The following LHFPL6 variants were observed in gnomAD, a reference collection of about 807,000 sequenced individuals.
The protein encoded by LHFPL6 is LHFPL tetraspan subfamily member 6.
A neutral mutation model predicts 20.6 loss-of-function variants in LHFPL6; 9 were observed. The ratio of observed to expected loss-of-function variants is 0.44; its 90% confidence interval spans 0.26 to 0.76. The LOEUF (loss-of-function observed/expected upper bound fraction) is 0.76. LHFPL6 is among the 30% of genes least tolerant of loss of function. LHFPL6 has a pLI of 0.20. For missense variants in LHFPL6, 218 were observed against 253.5 expected (o/e 0.86, Z 0.95); for synonymous variants, 105 against 98.7 (o/e 1.06, Z -0.38).
intron 2 of LHFPL6, among the ~76,000 whole-genome samples, chr13:39,447,192 T>A (rs568446498): frequency 6.6e-6 from 1 of 152,212 alleles, no homozygotes; most frequent in Non-Finnish European, 1.5e-5. Context: ...AACCCAATCA[T>A]CACGCTTATG....
At chr13:39,531,353 T>C (rs1208001590) in intron 2 of LHFPL6, among the ~76,000 whole-genome samples, 1 of 152,204 alleles carries the variant, frequency 6.6e-6, no homozygotes, top group Non-Finnish European at 1.5e-5. Context: ...TGTCTCCCTG[T>C]AGATAGCCAT....
chr13:39,595,063 C>T (rs1872727650), intron 2 of LHFPL6, among the ~76,000 whole-genome samples: 1 of 152,126 alleles, frequency 6.6e-6, no homozygotes, highest in South Asian at 2.1e-4. Context: ...CACATGTATA[C>T]ATAGGTAACA....
chr13:39,591,392 G>C (rs1442629807), intron 2 of LHFPL6, among the ~76,000 whole-genome samples: 1 of 152,068 alleles, frequency 6.6e-6, no homozygotes, highest in Non-Finnish European at 1.5e-5. Context: ...TCTTTTTTAT[G>C]AGTGTATATA....
chr13:39,504,367 C>T (rs1016723791), intron 2 of LHFPL6, among the ~76,000 whole-genome samples: 2 of 152,070 alleles, frequency 1.3e-5, no homozygotes, highest in East Asian at 1.9e-4. Flanking sequence ...AATCTTAATT[C>T]GACTGCATAT....
At chr13:39,534,706 G>A (rs1234538423) in intron 2 of LHFPL6, among the ~76,000 whole-genome samples, 1 of 152,132 alleles carries the variant, frequency 6.6e-6, no homozygotes, top group African/African-American at 2.4e-5. Context: ...GGAGGTGGGG[G>A]AAAATGTAGT....
intron 2 of LHFPL6, among the ~76,000 whole-genome samples, chr13:39,400,770 G>A (rs1383365308): frequency 9.1e-5 from 9 of 98,762 alleles, no homozygotes; most frequent in Admixed American, 3.4e-4. Flanking sequence ...GCGACAGAGC[G>A]AGACTCCGTC....
chr13:39,523,094 C>T (rs1870163421), intron 2 of LHFPL6, among the ~76,000 whole-genome samples: 1 of 152,218 alleles, frequency 6.6e-6, no homozygotes, highest in African/African-American at 2.4e-5. Flanking sequence ...AGACAATTTA[C>T]ATAACCACTT....
chr13:39,432,003 A>G (rs538454561), intron 2 of LHFPL6, among the ~76,000 whole-genome samples: 46 of 152,060 alleles, frequency 3.0e-4, no homozygotes, highest in Non-Finnish European at 5.4e-4. Context: ...GATTAAATTA[A>G]GGGGGCTCCA....
At chr13:39,475,296 C>T (rs952839902) in intron 2 of LHFPL6, among the ~76,000 whole-genome samples, 1 of 151,214 alleles carries the variant, frequency 6.6e-6, no homozygotes, top group African/African-American at 2.4e-5. Context: ...TGTGTAGATG[C>T]TTGTACATGA....
intron 2 of LHFPL6, among the ~76,000 whole-genome samples, chr13:39,409,047 T>C (rs1260681597): frequency 1.3e-5 from 2 of 152,210 alleles, no homozygotes; most frequent in Non-Finnish European, 2.9e-5. Flanking sequence ...ATTTGTAGCG[T>C]TAAGCAGGTA....
rs189185071 is a variant in LHFPL6 at position 39,370,104 on chromosome 13, G to T, written c.484+8324C>A. Among the ~76,000 whole-genome samples the T allele has an allele frequency of 8.5e-4, 130 of 152,314 alleles. 1 individual carries two copies. Among genetic ancestry groups the T allele is most frequent in the African/African-American group, 3.0e-3 (125 of 41,574 alleles). On this transcript the variant is annotated intron_variant, in intron 3 of 3. Coordinates refer to ENST00000379589, the MANE Select transcript of LHFPL6 (RefSeq NM_005780.3). ...GAAAACTCTTCATCTGATGGAAAGA[G>T]GCCCCTAAGAAAGGCTGAGTGACCA...
intron 2 of LHFPL6, among the ~76,000 whole-genome samples, chr13:39,400,652 G>A (rs994344749): frequency 8.0e-5 from 12 of 149,366 alleles, no homozygotes; most frequent in Admixed American, 1.3e-4. Flanking sequence ...GCGTAGTGGC[G>A]GGCGCCTGTA....
intron 2 of LHFPL6, among the ~76,000 whole-genome samples, chr13:39,403,664 T>C (rs914394991): frequency 1.3e-5 from 2 of 152,194 alleles, no homozygotes; most frequent in South Asian, 4.1e-4. Flanking sequence ...CCAATAAACA[T>C]CAACATTAGA....
chr13:39,500,408 C>G (rs569119603), intron 2 of LHFPL6, among the ~76,000 whole-genome samples: 3 of 152,166 alleles, frequency 2.0e-5, no homozygotes, highest in African/African-American at 7.2e-5. Context: ...TGCATGCCAC[C>G]ATGCCTGGAT....
chr13:39,586,378 G>A (rs976091404), intron 2 of LHFPL6, among the ~76,000 whole-genome samples: 1 of 152,176 alleles, frequency 6.6e-6, no homozygotes, highest in Admixed American at 6.5e-5. Flanking sequence ...TCTAAAATCA[G>A]AGATATGCAC....
At chr13:39,504,198 T>C (rs556811002) in intron 2 of LHFPL6, among the ~76,000 whole-genome samples, 1 of 152,300 alleles carries the variant, frequency 6.6e-6, no homozygotes, top group East Asian at 1.9e-4. Flanking sequence ...TATAGTTTAA[T>C]CACAATGTTT....
rs573569118 is a variant in LHFPL6, at chr13:39,353,982, A to G, written c.485-9928T>C. On this transcript the variant is annotated intron_variant, in intron 3 of 3. Transcript: ENST00000379589. ...TGGTAGAATCTCACAAATCCCATGCATTGAGTCTATTTTCAAAATATCCCA... is the reference window on the plus strand; with the variant it reads ...TGGTAGAATCTCACAAATCCCATGCGTTGAGTCTATTTTCAAAATATCCCA... Among the ~76,000 whole-genome samples, 62 of 152,302 alleles carry G rather than the reference A, an allele frequency of 4.1e-4. 1 individual carries two copies. Among genetic ancestry groups the G allele is most frequent in the South Asian group, 3.9e-3 (19 of 4,826 alleles).
At chr13:39,573,588 T>C (rs1192684900) in intron 2 of LHFPL6, among the ~76,000 whole-genome samples, 2 of 152,182 alleles carry the variant, frequency 1.3e-5, no homozygotes, top group African/African-American at 4.8e-5. Flanking sequence ...GCCCTTCTTT[T>C]ACATGGTATA....
chr13:39,504,090 C>T (rs1478354266), intron 2 of LHFPL6, among the ~76,000 whole-genome samples: 1 of 152,146 alleles, frequency 6.6e-6, no homozygotes, highest in Non-Finnish European at 1.5e-5. Flanking sequence ...AAATATATGA[C>T]TGTGGTGAGG....
Sources: allele counts gnomAD v4.1 joint callset (sites outside exome capture counted in the v4.1 genomes callset), GRCh38; gene constraint gnomAD v4.1.1; transcripts MANE v1.5; gene names NCBI Gene and HGNC (gene_info 2026-07-23, HGNC 2026-07-21).